Variants in UBE2R2 observed in about 807,000 individuals in gnomAD.
The protein encoded by UBE2R2 is ubiquitin-conjugating enzyme E2 R2.
UBE2R2 carries 1 observed loss-of-function variant against 27.8 expected under a neutral mutation model. The ratio of observed to expected loss-of-function variants is 0.04; its 90% CI spans 0.01 to 0.17. The LOEUF (loss-of-function observed/expected upper bound fraction) is 0.17, where lower values mean the gene tolerates loss of function less well. Among genes scored for constraint, UBE2R2 ranks in the 10% least tolerant of loss-of-function variants. UBE2R2 has a pLI of 1.00. For missense variants in UBE2R2, 100 were observed against 291.0 expected, an observed-to-expected ratio of 0.34 and a Z score of 4.78; for synonymous variants, 106 against 113.3, an observed-to-expected ratio of 0.94 and a Z score of 0.41.
intron 2 of UBE2R2, among the ~76,000 whole-genome samples, chr9:33,890,108 G>A (rs1233552251): frequency 6.6e-6 from 1 of 151,938 alleles, no homozygotes; most frequent in African/African-American, 2.4e-5. Flanking sequence ...AAGAAGTGTA[G>A]GTAGGTAATT....
rs187969381 is a variant in UBE2R2 at position 33,850,549 on chromosome 9, C to T, written c.177+32615C>T. The stretch of plus-strand genomic sequence containing the variant: ...CCAAGTTTCATCTGTGTCCTTATGG[C>T]TGATAACTGACTTGCATATCTAGCT... On this transcript the variant is annotated intron_variant, in intron 1 of 4. Coordinates refer to ENST00000263228, the MANE Select transcript of UBE2R2 (RefSeq NM_017811.4). Among the ~76,000 whole-genome samples the T allele has an allele frequency of 1.1e-3, 168 of 152,216 alleles. 1 individual carries two copies. Among genetic ancestry groups the T allele is most frequent in the African/African-American group, 3.9e-3 (161 of 41,552 alleles).
intron 1 of UBE2R2, among the ~76,000 whole-genome samples, chr9:33,841,711 A>T (rs1820737237): frequency 6.6e-6 from 1 of 152,148 alleles, no homozygotes; most frequent in African/African-American, 2.4e-5. Context: ...CTGTATTATA[A>T]TACATCGGTG....
At chr9:33,864,967 G>C (rs931931037) in intron 1 of UBE2R2, among the ~76,000 whole-genome samples, 1 of 151,714 alleles carries the variant, frequency 6.6e-6, no homozygotes, top group African/African-American at 2.4e-5. Flanking sequence ...CAGGTGATCT[G>C]CCCACCTTGG....
intron 1 of UBE2R2, among the ~76,000 whole-genome samples, chr9:33,859,628 G>T (rs771881412): frequency 6.6e-6 from 1 of 152,030 alleles, no homozygotes; most frequent in South Asian, 2.1e-4. Flanking sequence ...TTGTTGTGAC[G>T]TTAGGAGCCT....
In UBE2R2 at chr9:33,897,193, C is replaced by T. The variant is rs548378256; in HGVS notation, c.265-2981C>T. ...CTGGGACTACAGGCGTCTGCCACCA[C>T]GCCCGGCTAATTTTTTGTATTTTTA... On this transcript the variant is annotated intron_variant, in intron 2 of 4. Transcript: ENST00000263228. Among the ~76,000 whole-genome samples, 14 of 151,498 alleles carry T rather than the reference C, an allele frequency of 9.2e-5. No individual in the cohort carries two copies. The East Asian group carries it at 1.6e-3, about 17-fold the overall frequency.
chr9:33,893,441 C>A (rs1822031529), intron 2 of UBE2R2, among the ~76,000 whole-genome samples: 1 of 152,080 alleles, frequency 6.6e-6, no homozygotes, highest in Non-Finnish European at 1.5e-5. Context: ...TATAGATATA[C>A]CACAATTTGT....
rs577280679 is a variant in UBE2R2 at position 33,823,236 on chromosome 9, C to T, written c.177+5302C>T. Among the ~76,000 whole-genome samples the T allele has an allele frequency of 1.3e-4, 20 of 151,804 alleles. No individual in the cohort carries two copies. The South Asian group carries it at 2.5e-3, about 19-fold the overall frequency. ...TTATTATTTTAGAGACAGAGTCTCGCTATGTTGTCCAGGCTTGTCTTGAAC... is the reference window on the plus strand; with the variant it reads ...TTATTATTTTAGAGACAGAGTCTCGTTATGTTGTCCAGGCTTGTCTTGAAC... On this transcript the variant is annotated intron_variant, in intron 1 of 4. Transcript: ENST00000263228.
intron 2 of UBE2R2, among the ~76,000 whole-genome samples, chr9:33,894,688 A>T (rs1822062520): frequency 1.3e-5 from 2 of 152,236 alleles, no homozygotes; most frequent in African/African-American, 4.8e-5. Context: ...GCTTGAGCTC[A>T]GAAGTCAGGA....
chr9:33,822,064 A>G (rs950282842), intron 1 of UBE2R2, among the ~76,000 whole-genome samples: 4 of 151,550 alleles, frequency 2.6e-5, no homozygotes, highest in African/African-American at 7.3e-5. Context: ...GAACATCTTT[A>G]TTAGACTCAA....
intron 1 of UBE2R2, among the ~76,000 whole-genome samples, chr9:33,849,403 T>TAG (rs1820916002): frequency 6.6e-6 from 1 of 152,168 alleles, no homozygotes; most frequent in South Asian, 2.1e-4. Flanking sequence ...TTTAAAGAAA[T>TAG]ATCTGTTATA....
At chr9:33,857,605 C>T (rs768558809) in intron 1 of UBE2R2, among the ~76,000 whole-genome samples, 9 of 152,280 alleles carry the variant, frequency 5.9e-5, no homozygotes, top group South Asian at 2.1e-4. Context: ...CGTGAGCCAC[C>T]GTGACCAAGT....
chr9:33,834,642 G>A (rs1200031428), intron 1 of UBE2R2, among the ~76,000 whole-genome samples: 3 of 151,882 alleles, frequency 2.0e-5, no homozygotes, highest in Non-Finnish European at 4.4e-5. Context: ...CTCGCACGGT[G>A]GCTCACACCT....
At chr9:33,816,957 T>A (rs1825782386), upstream of UBE2R2, among the ~76,000 whole-genome samples, 1 of 149,182 alleles carries the variant, frequency 6.7e-6, no homozygotes, top group African/African-American at 2.5e-5. Flanking sequence ...CGCGCCAGCG[T>A]CACAAAGCGC....
chr9:33,912,210 A>G (rs1822508528), intron 4 of UBE2R2, 112 bp downstream of exon 4: 2 of 985,064 alleles, frequency 2.0e-6, no homozygotes, highest in Admixed American at 5.5e-5. Context: ...ATTTTCCTCT[A>G]TTAGATTTAT....
At chr9:33,835,840 A>G (rs746828354) in intron 1 of UBE2R2, among the ~76,000 whole-genome samples, 60 of 152,194 alleles carry the variant, frequency 3.9e-4, no homozygotes, top group Non-Finnish European at 7.5e-4. Context: ...CTATGATTGC[A>G]CTACTGCACT....
chr9:33,889,268 C>T (rs1455691353), intron 2 of UBE2R2, among the ~76,000 whole-genome samples: 1 of 152,194 alleles, frequency 6.6e-6, no homozygotes, highest in South Asian at 2.1e-4. Flanking sequence ...AATTCCAAGA[C>T]CAAGCCACCA....
chr9:33,868,157 C>T (rs905888521), intron 1 of UBE2R2, among the ~76,000 whole-genome samples: 16 of 152,152 alleles, frequency 1.1e-4, no homozygotes, highest in African/African-American at 3.9e-4. Flanking sequence ...CTCTCCGAAG[C>T]CGCACTGTCT....
At chr9:33,840,715 A>G (rs908600282) in intron 1 of UBE2R2, among the ~76,000 whole-genome samples, 2 of 152,046 alleles carry the variant, frequency 1.3e-5, no homozygotes, top group Non-Finnish European at 2.9e-5. Context: ...AAATAGTGAC[A>G]TTCTAATTGT....
chr9:33,871,236 G>A (rs886530509), intron 1 of UBE2R2, among the ~76,000 whole-genome samples: 10 of 152,172 alleles, frequency 6.6e-5, no homozygotes, highest in Non-Finnish European at 1.3e-4. Flanking sequence ...TTCAGGCATA[G>A]TGTTCTAAAT....
Sources: allele counts gnomAD v4.1 joint callset (sites outside exome capture counted in the v4.1 genomes callset), GRCh38; gene constraint gnomAD v4.1.1; transcripts MANE v1.5; gene names NCBI Gene and HGNC (gene_info 2026-07-23, HGNC 2026-07-21).